FBXO34: variants seen among roughly 807,000 people sequenced by gnomAD.
FBXO34 encodes F-box only protein 34.
FBXO34 carries 12 observed loss-of-function variants against 24.5 expected under a neutral mutation model. The observed-to-expected ratio is 0.49, with a 90% CI of 0.31 to 0.79. FBXO34 has a LOEUF of 0.79. Ranked by LOEUF, FBXO34 falls within the 30% of genes least tolerant of loss-of-function variation. The pLI is 0.04. For synonymous variants in FBXO34, 320 were observed against 311.9 expected, an observed-to-expected ratio of 1.03 and a Z score of -0.27; for missense variants, 823 against 857.7, an observed-to-expected ratio of 0.96 and a Z score of 0.51.
At chr14:55,423,991 T>A in the FBXO34 span, among the ~76,000 whole-genome samples, 1 of 152,240 alleles carries the variant, frequency 6.6e-6, no homozygotes, top group Non-Finnish European at 1.5e-5. Context: ...AATGTTGTTT[T>A]AGGTACTGGG....
intron 1 of FBXO34, among the ~76,000 whole-genome samples, chr14:55,308,784 A>G (rs996220962): frequency 1.3e-5 from 2 of 152,302 alleles, no homozygotes; most frequent in African/African-American, 4.8e-5. Context: ...TACCTCTTTA[A>G]ATGCTTGAGA....
intron 2 of FBXO34, chr14:55,367,040 T>C (rs540409631): frequency 1.4e-4 from 22 of 152,760 alleles, no homozygotes; most frequent in African/African-American, 4.8e-4. Flanking sequence ...CTAGTTGATA[T>C]TAACAACAAC....
chr14:55,440,735 C>T, the FBXO34 span: 1 of 589,644 alleles, frequency 1.7e-6, no homozygotes, highest in South Asian at 2.4e-5. Context: ...AGTCACCCCA[C>T]TCTGCCCGCA....
downstream of FBXO34, chr14:55,369,703 G>A (rs766410608): frequency 2.3e-5 from 37 of 1,608,454 alleles, no homozygotes; most frequent in South Asian, 3.4e-4. Context: ...TGCTGCTCGC[G>A]ATGGGTGGGG....
At chr14:55,436,305 A>T in the FBXO34 span, among the ~76,000 whole-genome samples, 2 of 152,244 alleles carry the variant, frequency 1.3e-5, no homozygotes, top group African/African-American at 4.8e-5. Context: ...GCTGTAGTAT[A>T]AACAATACAA....
At chr14:55,312,981 G>T (rs1157752930) in intron 1 of FBXO34, among the ~76,000 whole-genome samples, 2 of 152,176 alleles carry the variant, frequency 1.3e-5, no homozygotes, top group African/African-American at 4.8e-5. Flanking sequence ...TCAGAAAATG[G>T]TTTTTTCTTT....
the FBXO34 span, among the ~76,000 whole-genome samples, chr14:55,391,691 C>T: frequency 6.6e-6 from 1 of 152,126 alleles, no homozygotes; most frequent in Non-Finnish European, 1.5e-5. Flanking sequence ...AAATGTTTGA[C>T]ATCACATATG....
At chr14:55,282,816 A>T in intron 1 of FBXO34, among the ~76,000 whole-genome samples, 1 of 152,254 alleles carries the variant, frequency 6.6e-6, no homozygotes, top group Non-Finnish European at 1.5e-5. Context: ...TTGAAACTGT[A>T]GAATCATTCT....
chr14:55,315,082 A>G (rs1045994875), intron 1 of FBXO34, among the ~76,000 whole-genome samples: 2 of 152,192 alleles, frequency 1.3e-5, no homozygotes, highest in Non-Finnish European at 2.9e-5. Context: ...ATAGGTATTT[A>G]TAACATTGCT....
At chr14:55,348,761 C>A (rs1689893777) in intron 1 of FBXO34, among the ~76,000 whole-genome samples, 5 of 152,278 alleles carry the variant, frequency 3.3e-5, no homozygotes, top group Admixed American at 3.3e-4. Context: ...ATCCATAATT[C>A]TTTTATCTGA....
At chr14:55,386,193 T>A in the FBXO34 span, 26 of 1,090,640 alleles carry the variant, frequency 2.4e-5, 1 homozygote, top group Admixed American at 7.0e-5. Flanking sequence ...TCCCTTGCAA[T>A]CTAAACTGAA....
chr14:55,298,986 A>C, intron 1 of FBXO34: 1 of 1,607,450 alleles, frequency 6.2e-7, no homozygotes, highest in Non-Finnish European at 8.5e-7. Context: ...GGACATCGAT[A>C]AAGTTGATGA....
intron 1 of FBXO34, among the ~76,000 whole-genome samples, chr14:55,340,737 A>G (rs1318749495): frequency 2.0e-5 from 3 of 152,136 alleles, no homozygotes; most frequent in Non-Finnish European, 2.9e-5. Flanking sequence ...GTCAGGTTGC[A>G]TTTATACTCT....
chr14:55,380,875 A>ATATATTTT, the FBXO34 span, among the ~76,000 whole-genome samples: 8 of 112,704 alleles, frequency 7.1e-5, no homozygotes, highest in African/African-American at 2.7e-4. Context: ...ATATATATAT[A>ATATATTTT]TTTTTTTTTT....
the FBXO34 span, among the ~76,000 whole-genome samples, chr14:55,417,041 C>T: frequency 1.3e-5 from 2 of 152,144 alleles, no homozygotes; most frequent in Non-Finnish European, 2.9e-5. Flanking sequence ...TCTGGAGGCC[C>T]CTGGGGGGCG....
In FBXO34 at chr14:55,346,354, C is replaced by T. The variant is rs969373458; in HGVS notation, c.-10-4027C>T. On this transcript the variant is annotated intron_variant, in intron 1 of 1. Transcript: ENST00000313833. ...GTTGTGCTAGGGATAAAGAGTGGCA[C>T]AGTTTAGTGACTTGGCGATGAGATG... 5.3e-5 allele frequency among the ~76,000 whole-genome samples: 8 copies of T among 152,232 alleles called. No individual in the cohort carries two copies. In the South Asian group the frequency reaches 1.7e-3, roughly 32 times the overall value.
chr14:55,324,336 C>T (rs1883270761), intron 1 of FBXO34, among the ~76,000 whole-genome samples: 1 of 152,118 alleles, frequency 6.6e-6, no homozygotes, highest in South Asian at 2.1e-4. Flanking sequence ...ACCCATTTAT[C>T]TCTTGGTAGA....
chr14:55,426,960 G>A, the FBXO34 span, among the ~76,000 whole-genome samples: 1 of 152,130 alleles, frequency 6.6e-6, no homozygotes, highest in Non-Finnish European at 1.5e-5. Flanking sequence ...TCATTTTCGA[G>A]CCCTGAATGG....
chr14:55,415,552 C>T, the FBXO34 span, among the ~76,000 whole-genome samples: 1 of 152,256 alleles, frequency 6.6e-6, no homozygotes, highest in African/African-American at 2.4e-5. Context: ...CTTAAATGCC[C>T]GTCAATGGAT....
Sources: allele counts gnomAD v4.1 joint callset (sites outside exome capture counted in the v4.1 genomes callset), GRCh38; gene constraint gnomAD v4.1.1; transcripts MANE v1.5; gene names NCBI Gene and HGNC (gene_info 2026-07-23, HGNC 2026-07-21).